The following GON4L variants were observed in gnomAD, a reference collection of about 807,000 sequenced individuals.
GON4L encodes gon-4 like.
GON4L carries 87 observed loss-of-function variants against 211.8 expected under a neutral mutation model. The observed-to-expected ratio is 0.41, with a 90% CI of 0.35 to 0.49. GON4L has a LOEUF of 0.49. Among genes scored for constraint, GON4L ranks in the 20% least tolerant of loss-of-function variants. The pLI is 0.15. For missense variants in GON4L, 2,155 were observed against 2,659.5 expected, an observed-to-expected ratio of 0.81 and a Z score of 4.17; for synonymous variants, 875 against 962.6, an observed-to-expected ratio of 0.91 and a Z score of 1.68.
chr1:155,745,765 G>A, downstream of GON4L: 2 of 904,428 alleles, frequency 2.2e-6, no homozygotes, highest in African/African-American at 1.7e-5. Flanking sequence ...CGCCTGCCAA[G>A]CCAATCGGCT....
intron 11 of GON4L, among the ~76,000 whole-genome samples, chr1:155,801,325 G>A (rs1470235344): frequency 1.3e-5 from 2 of 151,998 alleles, no homozygotes; most frequent in Non-Finnish European, 1.5e-5. Flanking sequence ...GGTGAGTAAT[G>A]GAAAACTCAG....
rs75476081 is a variant in GON4L, at chr1:155,820,587, A to C, written c.1014+19T>G. 1.8e-3 allele frequency: 2,828 copies of C among 1,580,850 alleles called. 52 individuals are homozygous for C. In the African/African-American group the frequency reaches 0.034, roughly 19 times the overall value. ...ACCAAGCTAAAAAAAAACCAACAAC[A>C]AAAAAACAGAATACTTACCACTCCT... On this transcript the variant is annotated intron_variant, in intron 6 of 31. Transcript: ENST00000368331.
chr1:155,856,798 AAGAC>A (rs1007421340), intron 1 of GON4L, among the ~76,000 whole-genome samples: 60 of 152,290 alleles, frequency 3.9e-4, no homozygotes, highest in Admixed American at 2.2e-3. Flanking sequence ...GAAGGAAAGA[AAGAC>A]AGCTACTTCA....
chr1:155,787,973 A>G (rs1396254299), intron 12 of GON4L, among the ~76,000 whole-genome samples: 1 of 151,998 alleles, frequency 6.6e-6, no homozygotes, highest in African/African-American at 2.4e-5. Context: ...AAACAAAATC[A>G]TTTAAGTAAT....
chr1:155,826,508 G>A (rs1277221830), intron 3 of GON4L, among the ~76,000 whole-genome samples: 1 of 150,952 alleles, frequency 6.6e-6, no homozygotes, highest in Admixed American at 6.7e-5. Context: ...AGCGGTTGCC[G>A]TGAGCCGAGA....
chr1:155,801,738 C>T (rs1666685552), intron 11 of GON4L, among the ~76,000 whole-genome samples: 1 of 151,958 alleles, frequency 6.6e-6, no homozygotes, highest in Non-Finnish European at 1.5e-5. Flanking sequence ...CAAAGATTAG[C>T]CAGGCAAGGT....
In GON4L at chr1:155,857,189, G is replaced by A. The variant is rs1403052176; in HGVS notation, c.-69C>T. On this transcript the variant is annotated 5_prime_UTR_variant, in exon 1 of 32. Transcript: ENST00000368331. ...GGCCTGATTCCACGGAAACGGCTTT[G>A]GCACCACCGGAAGTCAGCCAACAAC... The A allele has an allele frequency of 4.6e-5, 7 of 152,574 alleles. No individual in the cohort carries two copies. The highest frequency in any genetic ancestry group is 2.6e-4 in the Admixed American group (4 of 15,286). The allele number at this position is 152,574 out of a possible 1,614,324, so 9.5% of individuals were successfully genotyped here.
downstream of GON4L, chr1:155,748,389 T>C (rs1394616658): frequency 6.2e-7 from 1 of 1,606,080 alleles, no homozygotes; most frequent in Non-Finnish European, 8.5e-7. Flanking sequence ...CCTCTTGGTG[T>C]CTTCTTACAG....
chr1:155,846,573 A>C (rs1220024216), intron 2 of GON4L: 3 of 152,038 alleles, frequency 2.0e-5, no homozygotes, highest in Non-Finnish European at 2.9e-5. Flanking sequence ...AAGGATACAA[A>C]AGACGACAAA....
downstream of GON4L, chr1:155,748,434 C>T: frequency 2.5e-6 from 4 of 1,611,290 alleles, no homozygotes; most frequent in Non-Finnish European, 3.4e-6. Context: ...GCCATCCTGG[C>T]TACAGCCCTG....
In GON4L at chr1:155,826,859, A is replaced by G. The variant is rs1428980342; in HGVS notation, c.675T>C (p.Asp225=). The change falls in exon 3 of 32, where the codon GAT becomes GAC. Residue 225 remains aspartate (D), a synonymous_variant. Coordinates refer to ENST00000368331, the MANE Select transcript of GON4L (RefSeq NM_001282860.2). ...LFHQPEEEIE[D]GGLFIPMEEQ... ...TACCCATTGGAATGAAGAGTCCACC[A>G]TCTTCTATCTCTTCCTCAGGTTGGT... The G allele has an allele frequency of 1.2e-6, 2 of 1,611,808 alleles. No homozygotes were observed. Among genetic ancestry groups the G allele is most frequent in the Non-Finnish European group, 1.7e-6 (2 of 1,178,010 alleles).
At position 155,769,479 on chromosome 1, in the gene GON4L, G is replaced by A. The variant is rs116299035; in HGVS notation, c.2646+1588C>T. 2.7e-3 allele frequency among the ~76,000 whole-genome samples: 417 copies of A among 152,206 alleles called. 1 individual carries two copies. The highest frequency in any genetic ancestry group is 4.9e-3 in the Admixed American group (75 of 15,264). ...GTGCAGCAAGCCCAGAGAGCAACAC[G>A]CTTAGAGTGGAATAGTGTCAGAGGG... On this transcript the variant is annotated intron_variant, in intron 19 of 31. Transcript: ENST00000368331.
At chr1:155,858,529 C>A (rs1441558510), upstream of GON4L, among the ~76,000 whole-genome samples, 3 of 152,022 alleles carry the variant, frequency 2.0e-5, no homozygotes, top group African/African-American at 7.3e-5. Context: ...CTTTGACCTA[C>A]AGAATACACA....
intron 21 of GON4L, 125 bp downstream of exon 21, chr1:155,764,875 T>C (rs1289721802): frequency 1.3e-6 from 2 of 1,578,052 alleles, no homozygotes; most frequent in Non-Finnish European, 1.7e-6. Context: ...CCATAATGCA[T>C]TCACAAATCA....
At chr1:155,827,641 C>T (rs822480) in intron 2 of GON4L, among the ~76,000 whole-genome samples, 151,717 of 151,718 alleles carry the variant, frequency 1, 75,858 homozygotes, top group Non-Finnish European at 1. Context: ...AGATACGATT[C>T]CACCACTGCA....
At chr1:155,834,580 T>C (rs1184808265) in intron 2 of GON4L, among the ~76,000 whole-genome samples, 1 of 152,182 alleles carries the variant, frequency 6.6e-6, no homozygotes, top group Non-Finnish European at 1.5e-5. Context: ...AAGACCCCGC[T>C]GAACAAAACA....
intron 12 of GON4L, among the ~76,000 whole-genome samples, chr1:155,790,468 C>T (rs561924949): frequency 2.0e-5 from 3 of 149,878 alleles, no homozygotes; most frequent in African/African-American, 7.4e-5. Flanking sequence ...TCTCAAACTC[C>T]TGTGCTCAAG....
chr1:155,745,691 A>G (rs605506), downstream of GON4L: 1,787 of 753,254 alleles, frequency 2.4e-3, 9 homozygotes, highest in African/African-American at 6.0e-3. Flanking sequence ...TCGGCGCATC[A>G]TTTCTCCAAT....
At chr1:155,779,675 C>T (rs1014326859) in intron 14 of GON4L, among the ~76,000 whole-genome samples, 1 of 152,162 alleles carries the variant, frequency 6.6e-6, no homozygotes, top group Non-Finnish European at 1.5e-5. Flanking sequence ...CTATCTTATT[C>T]TCCTTTTACT....
Sources: gnomAD v4.1 joint callset for allele counts (sites outside exome capture counted in the v4.1 genomes callset) on GRCh38, gnomAD v4.1.1 for gene constraint, MANE v1.5 for transcripts, NCBI Gene and HGNC (gene_info 2026-07-23, HGNC 2026-07-21) for gene names.